The following PDE1C variants were observed in gnomAD, a reference collection of about 807,000 sequenced individuals.
PDE1C encodes phosphodiesterase 1C.
PDE1C carries 62 observed loss-of-function variants against 93.1 expected under a neutral mutation model. The observed-to-expected ratio is 0.67, with a 90% confidence interval of 0.54 to 0.82. The LOEUF (loss-of-function observed/expected upper bound fraction) is 0.82. Among genes scored for constraint, PDE1C ranks in the 40% least tolerant of loss-of-function variants. PDE1C has a pLI of 0.00. For synonymous variants in PDE1C, 325 were observed against 310.1 expected (o/e 1.05, Z -0.50); for missense variants, 742 against 884.6 (o/e 0.84, Z 2.04).
intron 2 of PDE1C, among the ~76,000 whole-genome samples, chr7:31,897,653 TG>T (rs1456303551): frequency 6.6e-6 from 1 of 152,208 alleles, no homozygotes; most frequent in African/African-American, 2.4e-5. Context: ...TGTCTCTCTC[TG>T]GACACTCTCT....
At chr7:32,308,765 A>C (rs1174588982) in intron 1 of PDE1C, among the ~76,000 whole-genome samples, 3 of 152,212 alleles carry the variant, frequency 2.0e-5, no homozygotes, top group Non-Finnish European at 4.4e-5. Flanking sequence ...CCATCATCAA[A>C]GACCAAAAGT....
the PDE1C span, among the ~76,000 whole-genome samples, chr7:31,723,586 G>A: frequency 3.3e-5 from 5 of 152,158 alleles, no homozygotes; most frequent in Non-Finnish European, 7.3e-5. Flanking sequence ...AGACACACCT[G>A]GGAGAGGAGG....
In PDE1C at chr7:31,827,424, C is replaced by G. The variant is rs137900849; in HGVS notation, c.1285+868G>C. On this transcript the variant is annotated intron_variant, in intron 12 of 17. Coordinates refer to ENST00000396191, the MANE Select transcript of PDE1C (RefSeq NM_001191057.4). ...TATCGTACTAGGTACAAAAGTCTAC[C>G]TTGGCATTATAACATTCTAATAGAT... 9.7e-4 allele frequency among the ~76,000 whole-genome samples: 148 copies of G among 152,248 alleles called. 3 individuals carry two copies. The East Asian group carries it at 0.027, about 28-fold the overall frequency.
At chr7:31,700,512 G>A in the PDE1C span, among the ~76,000 whole-genome samples, 1 of 152,236 alleles carries the variant, frequency 6.6e-6, no homozygotes, top group Non-Finnish European at 1.5e-5. Context: ...AAGCGCTGAT[G>A]TAGAAACTGC....
intron 2 of PDE1C, among the ~76,000 whole-genome samples, chr7:31,942,690 A>G (rs1584102044): frequency 6.6e-6 from 1 of 152,170 alleles, no homozygotes; most frequent in East Asian, 1.9e-4. Context: ...TAGAGACAGT[A>G]ATAAGAAAAT....
the PDE1C span, among the ~76,000 whole-genome samples, chr7:31,623,945 A>T: frequency 6.7e-6 from 1 of 149,780 alleles, no homozygotes. Flanking sequence ...AAATCAATGT[A>T]CAAAAATCAC....
chr7:31,922,049 C>T lies in PDE1C; in HGVS notation c.129-41189G>A, dbSNP rs182740793. 2.0e-5 allele frequency among the ~76,000 whole-genome samples: 3 copies of T among 152,124 alleles called. No homozygotes were observed. The East Asian group carries it at 5.8e-4, about 29-fold the overall frequency. ...TAGGTGGTAGAGATAAAATCCGAAA[C>T]CTGTCAGCCTCCAAAACTCACCTCT... is the stretch of plus-strand genomic sequence containing the variant. On this transcript the variant is annotated intron_variant, in intron 2 of 17. Coordinates refer to ENST00000396191, the MANE Select transcript of PDE1C (RefSeq NM_001191057.4).
chr7:32,206,218 G>C lies in PDE1C; in HGVS notation c.136+3271C>G, dbSNP rs116285451. Among the ~76,000 whole-genome samples the C allele has an allele frequency of 4.8e-3, 727 of 152,184 alleles. 4 individuals are homozygous for C. Among genetic ancestry groups the C allele is most frequent in the African/African-American group, 0.017 (697 of 41,522 alleles). On this transcript the variant is annotated intron_variant, in intron 2 of 18. Coordinates refer to the PDE1C transcript ENST00000396193. The stretch of plus-strand genomic sequence containing the variant: ...GACCTTTGAGGATATATTCTGGGGG[G>C]ATTTGGGGATTGTGTATGCTGATAA...
rs73309836 is a variant in PDE1C, at chr7:32,418,867, G to A, written c.310+8955C>T. 9.3e-3 allele frequency among the ~76,000 whole-genome samples: 1,422 copies of A among 152,264 alleles called. 32 individuals are homozygous for A. Among genetic ancestry groups the A allele is most frequent in the African/African-American group, 0.032 (1,341 of 41,552 alleles). On this transcript the variant is annotated intron_variant, in intron 1 of 1. Transcript: ENST00000672256. Reference sequence around the variant, plus strand: ...AGCAGCATGTAAATGAGGTCCACCCGACTCCTGGAGCATTTAAGCTGCAAG... The same window carrying A: ...AGCAGCATGTAAATGAGGTCCACCCAACTCCTGGAGCATTTAAGCTGCAAG...
chr7:32,154,024 C>T (rs1801421100), intron 3 of PDE1C, among the ~76,000 whole-genome samples: 1 of 152,176 alleles, frequency 6.6e-6, no homozygotes, highest in Admixed American at 6.5e-5. Context: ...GAGTCCAGTG[C>T]AGGTGGATTG....
At chr7:31,771,310 G>C (rs185145292) in intron 17 of PDE1C, among the ~76,000 whole-genome samples, 1 of 152,132 alleles carries the variant, frequency 6.6e-6, no homozygotes, top group Non-Finnish European at 1.5e-5. Context: ...ATTTTTCACA[G>C]CAGCTGTGTT....
At position 31,753,550 on chromosome 7, in the gene PDE1C, A is replaced by G. The variant is rs1361771102; in HGVS notation, c.1964T>C (p.Ile655Thr). ...SSTCRLTLPVIKPPLRHFKRP... is the reference protein window; with the variant it reads ...SSTCRLTLPVTKPPLRHFKRP... ...TTTAAAATGACGCAAAGGAGGCTTGATGACTGGCGGCCATGGAAAGGAAGA... is the reference window on the plus strand; with the variant it reads ...TTTAAAATGACGCAAAGGAGGCTTGGTGACTGGCGGCCATGGAAAGGAAGA... The change falls in exon 18 of 18, where the codon ATC (isoleucine) becomes ACC (threonine). Residue 655 changes from isoleucine (I) to threonine (T), a missense_variant. Physicochemically the swap from Ile to Thr is moderately conservative, Grantham distance 89. Coordinates refer to ENST00000396191, the MANE Select transcript of PDE1C (RefSeq NM_001191057.4). 1 of 1,608,392 alleles carries G rather than the reference A, an allele frequency of 6.2e-7. No homozygotes were observed. The highest frequency in any genetic ancestry group is 1.1e-5 in the South Asian group (1 of 90,280).
At chr7:32,066,167 G>A (rs2128719468) in intron 1 of PDE1C, among the ~76,000 whole-genome samples, 1 of 152,284 alleles carries the variant, frequency 6.6e-6, no homozygotes, top group East Asian at 1.9e-4. Flanking sequence ...TTCTGTTTGG[G>A]ATCCATACCC....
At chr7:31,734,798 T>C in the PDE1C span, among the ~76,000 whole-genome samples, 7 of 152,208 alleles carry the variant, frequency 4.6e-5, no homozygotes, top group African/African-American at 1.7e-4. Context: ...ATTTCTTCTT[T>C]ATATATGAAT....
At chr7:32,177,894 G>C (rs1210176325) in intron 2 of PDE1C, among the ~76,000 whole-genome samples, 2 of 152,168 alleles carry the variant, frequency 1.3e-5, no homozygotes, top group Admixed American at 1.3e-4. Flanking sequence ...TACCTGGGCT[G>C]GGTTCTACAG....
the PDE1C span, among the ~76,000 whole-genome samples, chr7:31,645,022 T>A: frequency 6.6e-6 from 1 of 152,344 alleles, no homozygotes; most frequent in East Asian, 1.9e-4. Context: ...TTTGTTGGGC[T>A]CCTAATATAT....
chr7:32,076,335 A>G (rs149803418), upstream of PDE1C, among the ~76,000 whole-genome samples: 210 of 152,216 alleles, frequency 1.4e-3, no homozygotes, highest in Non-Finnish European at 2.1e-3. Context: ...ATGTGGAGAG[A>G]ATATACCAGA....
At chr7:31,897,186 T>C (rs1297980214) in intron 2 of PDE1C, among the ~76,000 whole-genome samples, 1 of 152,192 alleles carries the variant, frequency 6.6e-6, no homozygotes, top group Non-Finnish European at 1.5e-5. Flanking sequence ...CGAGTGCTGC[T>C]CTGGAGTGCT....
the PDE1C span, among the ~76,000 whole-genome samples, chr7:31,712,286 G>GTGAATGAATGAATGAA: frequency 4.0e-5 from 6 of 151,288 alleles, no homozygotes; most frequent in African/African-American, 1.5e-4. Flanking sequence ...GAGTGAGTGA[G>GTGAATGAATGAATGAA]TGAATGAATG....
Sources: gnomAD v4.1 joint callset for allele counts (sites outside exome capture counted in the v4.1 genomes callset) on GRCh38, gnomAD v4.1.1 for gene constraint, MANE v1.5 for transcripts, NCBI Gene and HGNC (gene_info 2026-07-23, HGNC 2026-07-21) for gene names.